EMP2: variants seen among roughly 807,000 people sequenced by gnomAD.
EMP2 encodes the protein epithelial membrane protein 2.
A neutral mutation model predicts 13.7 loss-of-function variants in EMP2; 19 were observed. That is an observed-to-expected ratio of 1.38 (90% CI 0.97 to 2.03). The LOEUF (loss-of-function observed/expected upper bound fraction) is 2.03. EMP2 is among the 30% of genes most tolerant of loss of function. The probability of loss-of-function intolerance (pLI) is 0.00; values close to 1 mark genes in which losing one functional copy is unlikely to be tolerated. For missense variants in EMP2, 253 were observed against 220.7 expected, an observed-to-expected ratio of 1.15 and a Z score of -0.93; for synonymous variants, 97 against 84.7, an observed-to-expected ratio of 1.15 and a Z score of -0.80.
Position 10,553,347 on chromosome 16 carries a change from A to G in EMP2, c.-60-5670T>C, listed in dbSNP as rs571504154. The stretch of plus-strand genomic sequence containing the variant: ...TCACTCCACGTTTCCGTGTGGCGGT[A>G]GCCGTACCAGAGTAACACTCTCTGC... On this transcript the variant is annotated intron_variant, in intron 1 of 4. Coordinates refer to ENST00000359543, the MANE Select transcript of EMP2 (RefSeq NM_001424.6). 1.6e-3 allele frequency among the ~76,000 whole-genome samples: 249 copies of G among 152,302 alleles called. 1 individual carries two copies. Among genetic ancestry groups the G allele is most frequent in the Non-Finnish European group, 1.6e-4 (11 of 68,020 alleles).
At chr16:10,567,716 C>G (rs1478035359) in intron 1 of EMP2, among the ~76,000 whole-genome samples, 1 of 152,144 alleles carries the variant, frequency 6.6e-6, no homozygotes, top group East Asian at 1.9e-4. Flanking sequence ...AAGAGGACTG[C>G]CAGGGCCGTA....
At position 10,532,774 on chromosome 16, in the gene EMP2, T is replaced by TTTTC. The variant is rs2050616525; in HGVS notation, c.*130_*131insGAAA. 8.2e-6 allele frequency: 3 copies of TTTTC among 365,168 alleles called. No individual in the cohort carries two copies. Among genetic ancestry groups the TTTTC allele is most frequent in the African/African-American group, 4.4e-5 (2 of 45,514 alleles). 22.6% of individuals were successfully genotyped at this position (365,168 alleles called of 1,614,324 possible). A position where few individuals can be genotyped will look rare whatever the true frequency, so the allele number is the denominator to read the frequency against. On this transcript the variant is annotated 3_prime_UTR_variant, in exon 5 of 5. Coordinates refer to ENST00000359543, the MANE Select transcript of EMP2 (RefSeq NM_001424.6). Reference sequence around the variant, plus strand: ...TTCTTTTTTCTTTTTTTTTTTTTTTTTTTTTTTTTTTTGGCTTTTAAAGGA... The same window carrying TTTTC: ...TTCTTTTTTCTTTTTTTTTTTTTTTTTTTCTTTTTTTTTTTTGGCTTTTAAAGGA...
chr16:10,559,037 C>A (rs1208186073), intron 1 of EMP2: 1 of 152,378 alleles, frequency 6.6e-6, no homozygotes, highest in African/African-American at 2.4e-5. Flanking sequence ...TCTCCCAATT[C>A]AGAAGTGTTC....
In EMP2 at chr16:10,532,977, G is replaced by C. The variant is rs778592498; in HGVS notation, c.432C>G (p.Ile144Met). The C allele has an allele frequency of 6.2e-7, 1 of 1,611,488 alleles. No individual in the cohort carries two copies. Among genetic ancestry groups the C allele is most frequent in the East Asian group, 2.2e-5 (1 of 44,786 alleles). Residue 144 changes from isoleucine (I) to methionine (M), a missense_variant, in exon 5 of 5, where the codon ATC becomes ATG. Physicochemically the swap from Ile to Met is conservative, Grantham distance 10. Coordinates refer to ENST00000359543, the MANE Select transcript of EMP2 (RefSeq NM_001424.6). ...TGCAGGCGAAGGCCACCCACGCCAG[G>C]ATGTAGGAGTAGCCGTAGCTGCCTT... ...TREGSYGYSY[I>M]LAWVAFACTF...
In EMP2 at chr16:10,564,368, G is replaced by A. The variant is rs748748558; in HGVS notation, c.-61+16181C>T. ...TAGCTGGGTGTGGTGGCAGGCACCT[G>A]TAATCCCAGCTACTTGGGAGGCTGA... On this transcript the variant is annotated intron_variant, in intron 1 of 4. Coordinates refer to ENST00000359543, the MANE Select transcript of EMP2 (RefSeq NM_001424.6). Among the ~76,000 whole-genome samples, 38 of 151,596 alleles carry A rather than the reference G, an allele frequency of 2.5e-4. 2 individuals are homozygous for A. The highest frequency in any genetic ancestry group is 2.4e-4 in the Non-Finnish European group (16 of 67,950).
chr16:10,542,994 C>A (rs979768572), intron 3 of EMP2, among the ~76,000 whole-genome samples: 1 of 152,142 alleles, frequency 6.6e-6, no homozygotes, highest in Admixed American at 6.5e-5. Flanking sequence ...TACAGGCGTG[C>A]ACCACCACGC....
At chr16:10,562,378 C>CTATCTA (rs58266696) in intron 1 of EMP2, among the ~76,000 whole-genome samples, 93 of 135,466 alleles carry the variant, frequency 6.9e-4, no homozygotes, top group African/African-American at 1.8e-3. Context: ...CTCTCTCTCT[C>CTATCTA]TCTATCTATC....
intron 1 of EMP2, among the ~76,000 whole-genome samples, chr16:10,568,669 A>C (rs1256813809): frequency 2.0e-5 from 3 of 152,154 alleles, no homozygotes; most frequent in Non-Finnish European, 2.9e-5. Context: ...AGTTCCTCCG[A>C]CAGAGACCAA....
At chr16:10,538,632 G>C (rs144736723) in intron 3 of EMP2, among the ~76,000 whole-genome samples, 1 of 152,146 alleles carries the variant, frequency 6.6e-6, no homozygotes. Context: ...ACAGAGACTG[G>C]GGTATGAAGG....
At chr16:10,557,163 C>G (rs1246423217) in intron 1 of EMP2, among the ~76,000 whole-genome samples, 1 of 152,026 alleles carries the variant, frequency 6.6e-6, no homozygotes, top group East Asian at 1.9e-4. Context: ...TCGAGACTAG[C>G]CTGGCCAACA....
At position 10,542,716 on chromosome 16, in the gene EMP2, A is replaced by AT. The variant is rs2050709432; in HGVS notation, c.169+853dup. 2.0e-5 allele frequency among the ~76,000 whole-genome samples: 3 copies of AT among 152,214 alleles called. No individual in the cohort carries two copies. In the South Asian group the frequency reaches 6.2e-4, roughly 32 times the overall value. ...TCTGTATTTTAAAGCCTTTTCATGT[A>AT]TTTTAGCTCATTGAAGAGGTGGGCA... On this transcript the variant is annotated intron_variant, in intron 3 of 4. Transcript: ENST00000359543.
intron 1 of EMP2, among the ~76,000 whole-genome samples, chr16:10,579,394 AATC>A (rs1463979101): frequency 6.6e-6 from 1 of 152,180 alleles, no homozygotes; most frequent in Non-Finnish European, 1.5e-5. Context: ...ATAACATCAT[AATC>A]ATCATTTTAA....
intron 1 of EMP2, among the ~76,000 whole-genome samples, chr16:10,562,300 A>C (rs2050876638): frequency 6.7e-6 from 1 of 150,200 alleles, no homozygotes; most frequent in African/African-American, 2.5e-5. Flanking sequence ...ACATTGTGCC[A>C]ATTCTGGGCC....
chr16:10,557,282 G>A (rs532807915), intron 1 of EMP2, among the ~76,000 whole-genome samples: 56 of 151,080 alleles, frequency 3.7e-4, no homozygotes, highest in African/African-American at 1.3e-3. Flanking sequence ...GCCTGAACCC[G>A]GTAGGTGGAG....
intron 1 of EMP2, among the ~76,000 whole-genome samples, chr16:10,558,385 C>T (rs528346004): frequency 1.3e-5 from 2 of 152,234 alleles, no homozygotes; most frequent in East Asian, 3.9e-4. Flanking sequence ...AAATGTCCAT[C>T]CTGACCCCAG....
At position 10,543,418 on chromosome 16, in the gene EMP2, G is replaced by A. The variant is rs188978063; in HGVS notation, c.169+152C>T. ...GCATCTCCAGCTTGTGCTGTCCTCC[G>A]CTCCAGCACACACTGAGCAAACGCG... On this transcript the variant is annotated intron_variant, in intron 3 of 4. Transcript: ENST00000359543. 204 of 801,820 alleles carry A rather than the reference G, an allele frequency of 2.5e-4. 1 individual carries two copies. The highest frequency in any genetic ancestry group is 3.0e-4 in the Middle Eastern group (1 of 3,314). 49.7% of individuals were successfully genotyped at this position (801,820 alleles called of 1,614,324 possible).
chr16:10,576,308 G>A (rs756272070), intron 1 of EMP2, among the ~76,000 whole-genome samples: 1 of 151,986 alleles, frequency 6.6e-6, no homozygotes, highest in Non-Finnish European at 1.5e-5. Context: ...AAAAACTTTG[G>A]TTCTTATTTA....
At chr16:10,555,051 T>C (rs1387013503) in intron 1 of EMP2, among the ~76,000 whole-genome samples, 1 of 152,140 alleles carries the variant, frequency 6.6e-6, no homozygotes, top group Admixed American at 6.6e-5. Context: ...TGTAGAGCTG[T>C]AAAGGCCCTT....
intron 3 of EMP2, among the ~76,000 whole-genome samples, chr16:10,542,415 CAAACAAAA>C (rs1310064665): frequency 2.7e-5 from 4 of 146,564 alleles, no homozygotes; most frequent in Non-Finnish European, 5.9e-5. Flanking sequence ...AACAAACAAA[CAAACAAAA>C]ACCAAAAAAC....
Sources: allele counts gnomAD v4.1 joint callset (sites outside exome capture counted in the v4.1 genomes callset), GRCh38; gene constraint gnomAD v4.1.1; transcripts MANE v1.5; gene names NCBI Gene and HGNC (gene_info 2026-07-23, HGNC 2026-07-21).